SLC4A10: variants seen among roughly 807,000 people sequenced by gnomAD.
SLC4A10 encodes the protein solute carrier family 4 member 10, also known as sodium-driven chloride bicarbonate exchanger.
SLC4A10 carries 42 observed loss-of-function variants against 137.7 expected under a neutral mutation model. The observed-to-expected ratio is 0.30, with a 90% CI of 0.24 to 0.39. The LOEUF (loss-of-function observed/expected upper bound fraction) is 0.39. SLC4A10 is among the 10% of genes least tolerant of loss of function. The probability of loss-of-function intolerance (pLI) is 1.00; values close to 1 mark genes in which losing one functional copy is unlikely to be tolerated. For synonymous variants in SLC4A10, 474 were observed against 464.1 expected, an observed-to-expected ratio of 1.02 and a Z score of -0.27; for missense variants, 925 against 1,355.0, an observed-to-expected ratio of 0.68 and a Z score of 4.98.
intron 5 of SLC4A10, among the ~76,000 whole-genome samples, chr2:161,861,833 A>T (rs367587274): frequency 3.3e-5 from 5 of 152,316 alleles, no homozygotes; most frequent in Admixed American, 2.0e-4. Context: ...TCTAGCTAGA[A>T]TGTCATAAAG....
chr2:161,784,723 C>T (rs554868222), intron 2 of SLC4A10, among the ~76,000 whole-genome samples: 13 of 151,220 alleles, frequency 8.6e-5, no homozygotes, highest in Admixed American at 7.9e-4. Context: ...ACATAATATA[C>T]CAAAACTTAT....
intron 1 of SLC4A10, among the ~76,000 whole-genome samples, chr2:161,730,322 G>GA (rs948879643): frequency 7.2e-5 from 11 of 151,928 alleles, no homozygotes; most frequent in East Asian, 3.9e-4. Context: ...TTCAGAATGG[G>GA]AAAAAAATAA....
At chr2:161,628,324 A>G (rs951837342) in intron 1 of SLC4A10, among the ~76,000 whole-genome samples, 1 of 151,998 alleles carries the variant, frequency 6.6e-6, no homozygotes, top group Non-Finnish European at 1.5e-5. Context: ...AAAGGACTTA[A>G]GTTGAGCTTA....
Position 161,883,016 on chromosome 2 carries a change from AGCT to A in SLC4A10, c.1194+573_1194+575del, listed in dbSNP as rs2061927850. Among the ~76,000 whole-genome samples the A allele has an allele frequency of 3.3e-5, 5 of 152,226 alleles. No homozygotes were observed. The South Asian group carries it at 1.0e-3, about 32-fold the overall frequency. On this transcript the variant is annotated intron_variant, in intron 10 of 26. Coordinates refer to ENST00000446997, the MANE Select transcript of SLC4A10 (RefSeq NM_001178015.2). ...ATGTAGATTTTTTGGGACTGGAAAA[AGCT>A]TTCATCAGCTCTTCAAAGAAGTGTA...
chr2:161,640,407 C>G (rs1376519510), intron 1 of SLC4A10, among the ~76,000 whole-genome samples: 1 of 152,132 alleles, frequency 6.6e-6, no homozygotes, highest in East Asian at 1.9e-4. Flanking sequence ...TTGAGGCTAT[C>G]TATAAGTATT....
intron 1 of SLC4A10, among the ~76,000 whole-genome samples, chr2:161,645,229 A>T (rs1002489866): frequency 1.3e-5 from 2 of 151,602 alleles, no homozygotes; most frequent in South Asian, 4.2e-4. Flanking sequence ...AATTTCCAAT[A>T]TTTTTTTTCT....
At chr2:161,821,930 A>G (rs1183583563) in intron 3 of SLC4A10, among the ~76,000 whole-genome samples, 1 of 152,230 alleles carries the variant, frequency 6.6e-6, no homozygotes, top group Non-Finnish European at 1.5e-5. Context: ...TTGAATCAAA[A>G]TAAAATATTT....
intron 1 of SLC4A10, among the ~76,000 whole-genome samples, chr2:161,682,382 T>C (rs1483514893): frequency 6.6e-6 from 1 of 152,150 alleles, no homozygotes; most frequent in Non-Finnish European, 1.5e-5. Context: ...TTTAAAGATT[T>C]ATGCTTATGA....
chr2:161,660,893 C>T (rs571656099), intron 1 of SLC4A10, among the ~76,000 whole-genome samples: 1 of 151,602 alleles, frequency 6.6e-6, no homozygotes, highest in African/African-American at 2.4e-5. Flanking sequence ...ATCTCCTGAC[C>T]TAGTGATCCA....
At chr2:161,951,417 T>G (rs76560348) in intron 19 of SLC4A10, among the ~76,000 whole-genome samples, 7,431 of 152,256 alleles carry the variant, frequency 0.049, 237 homozygotes, top group South Asian at 0.078. Context: ...CTTAGTTACA[T>G]TCTGACCTTG....
intron 15 of SLC4A10, among the ~76,000 whole-genome samples, chr2:161,933,158 CTT>C (rs1690748368): frequency 1.1e-5 from 1 of 95,106 alleles, no homozygotes; most frequent in African/African-American, 3.9e-5. Flanking sequence ...TTTCTTTCCT[CTT>C]TCTTTCTCTT....
At chr2:161,805,209 C>T (rs569380195) in intron 3 of SLC4A10, among the ~76,000 whole-genome samples, 15 of 152,066 alleles carry the variant, frequency 9.9e-5, no homozygotes, top group Non-Finnish European at 1.6e-4. Flanking sequence ...CTCACTATCA[C>T]GAGAAAAGCA....
chr2:161,666,042 G>A lies in SLC4A10; in HGVS notation c.48+41476G>A, dbSNP rs2039005887. On this transcript the variant is annotated intron_variant, in intron 1 of 26. Transcript: ENST00000446997. Reference sequence around the variant, plus strand: ...AATGATACTACTTGTGATTTCTTTTGCCTTACCTATAAGTGAACATATATA... The same window carrying A: ...AATGATACTACTTGTGATTTCTTTTACCTTACCTATAAGTGAACATATATA... Among the ~76,000 whole-genome samples, 4 of 150,246 alleles carry A rather than the reference G, an allele frequency of 2.7e-5. No homozygotes were observed. In the South Asian group the frequency reaches 8.4e-4, roughly 31 times the overall value.
chr2:161,723,922 C>T (rs1320599649), intron 1 of SLC4A10, among the ~76,000 whole-genome samples: 1 of 152,178 alleles, frequency 6.6e-6, no homozygotes, highest in Non-Finnish European at 1.5e-5. Flanking sequence ...TCCTGGTAGA[C>T]ATCTCTGCTC....
At chr2:161,812,094 T>G (rs983615527) in intron 3 of SLC4A10, among the ~76,000 whole-genome samples, 1 of 152,070 alleles carries the variant, frequency 6.6e-6, no homozygotes, top group Non-Finnish European at 1.5e-5. Flanking sequence ...GATAAGTCTA[T>G]AGTCTCTCTA....
intron 8 of SLC4A10, among the ~76,000 whole-genome samples, chr2:161,875,124 C>T (rs2061384235): frequency 6.6e-6 from 1 of 152,086 alleles, no homozygotes; most frequent in Admixed American, 6.5e-5. Flanking sequence ...TTAAAAAAGA[C>T]TAAGTAAGAT....
chr2:161,826,823 C>T (rs1396515893), intron 3 of SLC4A10, among the ~76,000 whole-genome samples: 2 of 152,126 alleles, frequency 1.3e-5, no homozygotes, highest in South Asian at 2.1e-4. Context: ...AATAAATGTT[C>T]TTTGGAATTC....
intron 1 of SLC4A10, among the ~76,000 whole-genome samples, chr2:161,644,539 T>C (rs1327611850): frequency 6.6e-6 from 1 of 152,120 alleles, no homozygotes; most frequent in African/African-American, 2.4e-5. Flanking sequence ...CGTGGTGAAG[T>C]CTTATAATTT....
At chr2:161,880,175 G>A (rs559587442) in intron 9 of SLC4A10, among the ~76,000 whole-genome samples, 23 of 152,094 alleles carry the variant, frequency 1.5e-4, no homozygotes, top group African/African-American at 5.1e-4. Context: ...TTAGGGCCCC[G>A]TTCCCATATG....
Sources: gnomAD v4.1 joint callset for allele counts (sites outside exome capture counted in the v4.1 genomes callset) on GRCh38, gnomAD v4.1.1 for gene constraint, MANE v1.5 for transcripts, NCBI Gene and HGNC (gene_info 2026-07-23, HGNC 2026-07-21) for gene names.